NSF: variants seen among roughly 807,000 people sequenced by gnomAD.
The protein encoded by NSF is N-ethylmaleimide sensitive factor, vesicle fusing ATPase, also known as vesicle-fusing ATPase.
Under a neutral mutation model 50.3 loss-of-function variants are expected in NSF, and 14 were observed. That is an observed-to-expected ratio of 0.28 (90% CI 0.18 to 0.44). The LOEUF (loss-of-function observed/expected upper bound fraction) is 0.44. Among genes scored for constraint, NSF ranks in the 20% least tolerant of loss-of-function variants. NSF has a pLI of 1.00. For synonymous variants in NSF, 109 were observed against 175.7 expected, an observed-to-expected ratio of 0.62 and a Z score of 3.00; for missense variants, 218 against 504.3, an observed-to-expected ratio of 0.43 and a Z score of 5.44.
intron 17 of NSF, among the ~76,000 whole-genome samples, chr17:46,738,389 T>A (rs759505336): frequency 6.6e-6 from 1 of 152,216 alleles, no homozygotes; most frequent in Non-Finnish European, 1.5e-5. Flanking sequence ...GACTGAAGCT[T>A]AACCTCTTTA....
At chr17:46,749,710 T>C in intron 17 of NSF, 63 bp from the exon 18 acceptor site, 2 of 1,450,276 alleles carry the variant, frequency 1.4e-6, no homozygotes, top group Non-Finnish European at 9.3e-7. Context: ...GTGTTCAAGC[T>C]TACTGTAGTT....
At chr17:46,733,310 G>A (rs368952600) in intron 17 of NSF, among the ~76,000 whole-genome samples, 1 of 152,116 alleles carries the variant, frequency 6.6e-6, no homozygotes, top group Non-Finnish European at 1.5e-5. Flanking sequence ...TGCAGGACCA[G>A]TGGCTTGATT....
intron 15 of NSF, among the ~76,000 whole-genome samples, chr17:46,725,952 C>G (rs940978295): frequency 2.0e-5 from 3 of 152,184 alleles, no homozygotes; most frequent in African/African-American, 7.2e-5. Context: ...CAGGCTAAAA[C>G]CGTTCCTTCA....
chr17:46,732,718 T>C (rs182422898), intron 17 of NSF, among the ~76,000 whole-genome samples: 1 of 152,300 alleles, frequency 6.6e-6, no homozygotes, highest in Admixed American at 6.5e-5. Context: ...CTAAAATGGA[T>C]TGAACAGGAG....
intron 17 of NSF, among the ~76,000 whole-genome samples, chr17:46,736,803 A>G (rs925195051): frequency 2.0e-5 from 3 of 152,188 alleles, no homozygotes; most frequent in South Asian, 2.1e-4. Flanking sequence ...TTAAGATTTA[A>G]TTGAATATCT....
At chr17:46,679,101 G>A (rs2058429104) in intron 9 of NSF, among the ~76,000 whole-genome samples, 1 of 152,050 alleles carries the variant, frequency 6.6e-6, no homozygotes, top group African/African-American at 2.4e-5. Flanking sequence ...ACATGCTTGG[G>A]TGGTAAAACT....
intron 17 of NSF, among the ~76,000 whole-genome samples, chr17:46,735,230 T>C (rs1227606662): frequency 6.6e-6 from 1 of 152,202 alleles, no homozygotes; most frequent in African/African-American, 2.4e-5. Flanking sequence ...TTCTGATAAC[T>C]CAAAATTAAA....
chr17:46,717,196 A>G (rs1325699803), intron 15 of NSF, among the ~76,000 whole-genome samples: 2 of 152,204 alleles, frequency 1.3e-5, no homozygotes, highest in Non-Finnish European at 1.5e-5. Flanking sequence ...TTGCAACAAC[A>G]TGGATGAAGG....
chr17:46,754,713 G>A (rs2059216568), intron 19 of NSF, among the ~76,000 whole-genome samples: 1 of 152,172 alleles, frequency 6.6e-6, no homozygotes, highest in African/African-American at 2.4e-5. Context: ...TTAGACTCAT[G>A]ACACATTCGC....
intron 17 of NSF, among the ~76,000 whole-genome samples, chr17:46,731,791 A>T (rs1478356093): frequency 1.3e-5 from 2 of 152,198 alleles, no homozygotes; most frequent in Non-Finnish European, 1.5e-5. Context: ...GGTGACTCTG[A>T]CCTGGACTGC....
chr17:46,688,172 A>G lies in NSF; in HGVS notation c.946-4731A>G, dbSNP rs1304959219. On this transcript the variant is annotated intron_variant, in intron 9 of 20. Transcript: ENST00000398238. ...TTGCCACCAAAAAACATAGCTAGGAATCTTTATGAAGGAATGAAGGAATTT... is the reference window on the plus strand; with the variant it reads ...TTGCCACCAAAAAACATAGCTAGGAGTCTTTATGAAGGAATGAAGGAATTT... 2.7e-5 allele frequency among the ~76,000 whole-genome samples: 4 copies of G among 145,572 alleles called. No homozygotes were observed. The South Asian group carries it at 6.5e-4, about 24-fold the overall frequency.
Position 46,749,769 on chromosome 17 carries a change from T to G in NSF, c.1909-4T>G, listed in dbSNP as rs1568061967. On this transcript the variant is annotated splice_polypyrimidine_tract_variant and splice_region_variant and intron_variant, in intron 17 of 20. Transcript: ENST00000398238. Reference sequence around the variant, plus strand: ...ATTTTAACACATTTTCTCCCTATGATCAGGGCCGCAAGCTTCTTATCATTG... The same window carrying G: ...ATTTTAACACATTTTCTCCCTATGAGCAGGGCCGCAAGCTTCTTATCATTG... The G allele has an allele frequency of 1.2e-6, 2 of 1,612,310 alleles. No individual in the cohort carries two copies. The highest frequency in any genetic ancestry group is 1.7e-6 in the Non-Finnish European group (2 of 1,178,818).
intron 14 of NSF, chr17:46,713,156 A>G (rs2058735669): frequency 2.0e-5 from 3 of 152,268 alleles, no homozygotes; most frequent in Non-Finnish European, 4.4e-5. Context: ...GTTGTTATGT[A>G]TTAAACTGTC....
chr17:46,671,844 TTA>T lies in NSF; in HGVS notation c.746-2568_746-2567del, dbSNP rs946832041. On this transcript the variant is annotated intron_variant, in intron 8 of 20. Coordinates refer to ENST00000398238, the MANE Select transcript of NSF (RefSeq NM_006178.4). ...AGTTGCAAAGTTAAGATTCTTGTGT[TTA>T]TGTTGTTTTGTTAAATTCGGAAAGT... 3.5e-5 allele frequency among the ~76,000 whole-genome samples: 5 copies of T among 142,310 alleles called. 1 individual carries two copies. The highest frequency in any genetic ancestry group is 7.9e-5 in the Non-Finnish European group (5 of 63,050). The allele number at this position is 142,310 out of a possible 152,430, so 93.4% of individuals were successfully genotyped here. A position where few individuals can be genotyped will look rare whatever the true frequency, so the allele number is the denominator to read the frequency against.
intron 15 of NSF, among the ~76,000 whole-genome samples, chr17:46,722,845 A>C (rs1378186697): frequency 1.3e-5 from 2 of 152,234 alleles, no homozygotes; most frequent in Non-Finnish European, 2.9e-5. Flanking sequence ...AAACTAGTCA[A>C]GTTACAACTG....
At position 46,755,369 on chromosome 17, in the gene NSF, C is replaced by T. The variant is rs751023490; in HGVS notation, c.2213C>T (p.Ala738Val). Residue 738 changes from alanine (A) to valine (V), a missense_variant and splice_region_variant, in exon 20 of 21, where the codon GCT (alanine) becomes GTT (valine). Around this residue, in one of 2 missense-constraint regions of NSF, gnomAD observed 209 missense variants for 320.9 expected, o/e 0.65. Coordinates refer to ENST00000398238, the MANE Select transcript of NSF (RefSeq NM_006178.4). ...TTGGCCCTCTTAAGAGAAGAAGGAG[C>T]GTAAGTACATACAACATTTAATGAC... ...KFLALLREEGASPLDFD is the reference protein window; with the variant it reads ...KFLALLREEGVSPLDFD The T allele has an allele frequency of 8.1e-6, 13 of 1,611,462 alleles. No individual in the cohort carries two copies. In the African/African-American group the frequency reaches 9.3e-5, roughly 12 times the overall value.
chr17:46,738,117 A>G (rs1020907482), intron 17 of NSF, among the ~76,000 whole-genome samples: 4 of 151,842 alleles, frequency 2.6e-5, no homozygotes, highest in African/African-American at 7.3e-5. Context: ...TATTTTTTGT[A>G]TAGACAGGGT....
intron 17 of NSF, among the ~76,000 whole-genome samples, chr17:46,731,218 C>T (rs1469303425): frequency 1.3e-5 from 2 of 151,904 alleles, no homozygotes; most frequent in African/African-American, 2.4e-5. Flanking sequence ...ACATGCTAAG[C>T]AAAAGGAGCC....
chr17:46,745,192 T>A (rs1306109365), intron 17 of NSF, among the ~76,000 whole-genome samples: 1 of 152,208 alleles, frequency 6.6e-6, no homozygotes, highest in East Asian at 1.9e-4. Context: ...GCTGGCAGTG[T>A]TTCCCTTCAG....
Sources: allele counts gnomAD v4.1 joint callset (sites outside exome capture counted in the v4.1 genomes callset), GRCh38; gene constraint gnomAD v4.1.1; regional missense constraint gnomAD v4.1.1; transcripts MANE v1.5; gene names NCBI Gene and HGNC (gene_info 2026-07-23, HGNC 2026-07-21).